CDH6: variants seen among roughly 807,000 people sequenced by gnomAD.
The protein encoded by CDH6 is cadherin 6.
Under a neutral mutation model 78.0 loss-of-function variants are expected in CDH6, and 31 were observed. The observed-to-expected ratio is 0.40, with a 90% confidence interval of 0.30 to 0.54. The LOEUF (loss-of-function observed/expected upper bound fraction) is 0.54, where lower values mean the gene tolerates loss of function less well. CDH6 is among the 20% of genes least tolerant of loss of function. The pLI is 0.56. For missense variants in CDH6, 724 were observed against 975.9 expected, an observed-to-expected ratio of 0.74 and a Z score of 3.44; for synonymous variants, 376 against 368.8, an observed-to-expected ratio of 1.02 and a Z score of -0.23.
intron 1 of CDH6, among the ~76,000 whole-genome samples, chr5:31,205,372 C>T (rs1049787753): frequency 6.6e-6 from 1 of 152,172 alleles, no homozygotes; most frequent in Non-Finnish European, 1.5e-5. Flanking sequence ...GAAGACTAAG[C>T]AACTTGATAG....
At chr5:31,216,667 T>C (rs1307073368) in intron 1 of CDH6, among the ~76,000 whole-genome samples, 1 of 107,968 alleles carries the variant, frequency 9.3e-6, no homozygotes, top group African/African-American at 3.6e-5. Context: ...TGCTGTAATA[T>C]AGCAAGCCCT....
Position 31,323,994 on chromosome 5 carries a change from C to A in CDH6, c.*686C>A. On this transcript the variant is annotated 3_prime_UTR_variant, in exon 12 of 12. Transcript: ENST00000265071. ...CCACTAACTCATAGTTTGTTATATC[C>A]TAGACTAGACATGCGAAAGTTTGCC... The A allele has an allele frequency of 4.5e-6, 1 of 221,612 alleles. No individual in the cohort carries two copies. Among genetic ancestry groups the A allele is most frequent in the East Asian group, 6.5e-5 (1 of 15,464 alleles). The allele number at this position is 221,612 out of a possible 1,614,324, so 13.7% of individuals were successfully genotyped here. A position where few individuals can be genotyped will look rare whatever the true frequency, so the allele number is the denominator to read the frequency against.
intron 1 of CDH6, among the ~76,000 whole-genome samples, chr5:31,224,222 T>C (rs193078201): frequency 6.6e-6 from 1 of 150,768 alleles, no homozygotes; most frequent in Admixed American, 6.6e-5. Context: ...AGAGAGAGAG[T>C]TTGTGCGGGG....
chr5:31,246,117 G>T (rs917692213), intron 1 of CDH6, among the ~76,000 whole-genome samples: 4 of 151,382 alleles, frequency 2.6e-5, no homozygotes, highest in Non-Finnish European at 5.9e-5. Context: ...TCACTATGTT[G>T]GCCAGGATTG....
chr5:31,327,232 G>C lies in CDH6; in HGVS notation c.*3924G>C, dbSNP rs967259910. 5.3e-6 allele frequency: 1 copy of C among 187,666 alleles called. No homozygotes were observed. Among genetic ancestry groups the C allele is most frequent in the Non-Finnish European group, 1.1e-5 (1 of 89,092 alleles). 11.6% of individuals were successfully genotyped at this position (187,666 alleles called of 1,614,324 possible). On this transcript the variant is annotated 3_prime_UTR_variant, in exon 12 of 12. Coordinates refer to ENST00000265071, the MANE Select transcript of CDH6 (RefSeq NM_004932.4). ...ACCATAAAAAGTATGCAGTTGAAAA[G>C]AAAATCAAAGTTGATTCCTGGGTGC...
At chr5:31,240,547 T>C (rs2149918852) in intron 1 of CDH6, among the ~76,000 whole-genome samples, 1 of 152,298 alleles carries the variant, frequency 6.6e-6, no homozygotes, top group Middle Eastern at 3.4e-3. Context: ...ACCATCATCC[T>C]GCACCTCACA....
chr5:31,315,368 A>G (rs147716591), intron 8 of CDH6, among the ~76,000 whole-genome samples: 3 of 152,334 alleles, frequency 2.0e-5, no homozygotes, highest in Admixed American at 2.0e-4. Flanking sequence ...TGCTCACTAA[A>G]TAATTACAAA....
intron 2 of CDH6, among the ~76,000 whole-genome samples, chr5:31,278,680 G>GAGAGAAATGTGATAATATAGGGAC (rs1742769632): frequency 1.3e-5 from 2 of 152,168 alleles, no homozygotes; most frequent in African/African-American, 4.8e-5. Context: ...ATCAGCTATA[G>GAGAGAAATGTGATAATATAGGGAC]AGAGAAATGT....
intron 1 of CDH6, among the ~76,000 whole-genome samples, chr5:31,253,233 C>T (rs569904473): frequency 1.3e-5 from 2 of 152,158 alleles, no homozygotes; most frequent in Non-Finnish European, 1.5e-5. Context: ...CCCCACATGC[C>T]GTCGGAGGGA....
chr5:31,257,758 A>G (rs887309062), intron 1 of CDH6, among the ~76,000 whole-genome samples: 1 of 152,070 alleles, frequency 6.6e-6, no homozygotes, highest in Admixed American at 6.6e-5. Flanking sequence ...AGCCTCCAGC[A>G]CTCACTCATC....
chr5:31,303,595 A>G (rs1355909788), intron 6 of CDH6, among the ~76,000 whole-genome samples: 1 of 152,214 alleles, frequency 6.6e-6, no homozygotes, highest in Non-Finnish European at 1.5e-5. Context: ...GCAAAAATTA[A>G]AAACCAATGA....
intron 1 of CDH6, among the ~76,000 whole-genome samples, chr5:31,214,236 A>G (rs544865140): frequency 1.3e-3 from 191 of 152,238 alleles, no homozygotes; most frequent in African/African-American, 4.4e-3. Flanking sequence ...GGCATGTCAA[A>G]CAACTCAATC....
chr5:31,272,982 A>G (rs1042035212), intron 2 of CDH6, among the ~76,000 whole-genome samples: 3 of 152,156 alleles, frequency 2.0e-5, no homozygotes, highest in African/African-American at 7.2e-5. Context: ...ATATGCCTTT[A>G]TCCTCAGTCT....
intron 8 of CDH6, among the ~76,000 whole-genome samples, chr5:31,314,795 A>G (rs563293357): frequency 9.2e-5 from 14 of 152,178 alleles, no homozygotes; most frequent in Non-Finnish European, 1.9e-4. Context: ...CAGTCATTTC[A>G]TAAGTATTTT....
intron 1 of CDH6, among the ~76,000 whole-genome samples, chr5:31,205,114 G>A (rs1740479607): frequency 6.6e-6 from 1 of 152,138 alleles, no homozygotes; most frequent in Non-Finnish European, 1.5e-5. Context: ...TTTAAGATGA[G>A]GGCATCCCTT....
chr5:31,210,092 G>T (rs978878233), intron 1 of CDH6, among the ~76,000 whole-genome samples: 1 of 151,804 alleles, frequency 6.6e-6, no homozygotes, highest in Admixed American at 6.6e-5. Flanking sequence ...GTGTGTGTGT[G>T]TGTGTGTGTG....
At position 31,302,082 on chromosome 5, in the gene CDH6, TTGACTTATATC is replaced by T; in HGVS notation, c.812-26_812-16del. 1 of 1,523,052 alleles carries T rather than the reference TTGACTTATATC, an allele frequency of 6.6e-7. No individual in the cohort carries two copies. 94.3% of individuals were successfully genotyped at this position (1,523,052 alleles called of 1,614,324 possible). On this transcript the variant is annotated intron_variant, in intron 5 of 11. Coordinates refer to ENST00000265071, the MANE Select transcript of CDH6 (RefSeq NM_004932.4). Reference sequence around the variant, plus strand: ...TGATAAGAGTGTGGTTAGTCTATGTTTGACTTATATCTGTCTGGTGATTAATAGGTACATAC... The same window carrying T: ...TGATAAGAGTGTGGTTAGTCTATGTTTGTCTGGTGATTAATAGGTACATAC...
chr5:31,316,626 A>ATATG (rs1738332935), intron 9 of CDH6, among the ~76,000 whole-genome samples: 1 of 152,242 alleles, frequency 6.6e-6, no homozygotes. Context: ...TTTAATTACC[A>ATATG]TATGTACTTG....
chr5:31,307,452 G>A (rs539577084), intron 7 of CDH6, among the ~76,000 whole-genome samples: 1 of 152,276 alleles, frequency 6.6e-6, no homozygotes, highest in East Asian at 1.9e-4. Flanking sequence ...TCTTGTTTTA[G>A]CATCCTACTG....
Sources: allele counts gnomAD v4.1 joint callset (sites outside exome capture counted in the v4.1 genomes callset), GRCh38; gene constraint gnomAD v4.1.1; transcripts MANE v1.5; gene names NCBI Gene and HGNC (gene_info 2026-07-23, HGNC 2026-07-21).